Variants in KLHL1 observed in about 807,000 individuals in gnomAD.
KLHL1 encodes kelch-like protein 1.
Under a neutral mutation model 77.7 loss-of-function variants are expected in KLHL1, and 47 were observed. The observed-to-expected ratio is 0.60, with a 90% CI of 0.48 to 0.77. KLHL1 has a LOEUF of 0.77. KLHL1 is among the 30% of genes least tolerant of loss of function. The pLI is 0.00. For missense variants in KLHL1, 925 were observed against 910.8 expected (o/e 1.02, Z -0.20); for synonymous variants, 360 against 325.2 (o/e 1.11, Z -1.15).
intron 1 of KLHL1, among the ~76,000 whole-genome samples, chr13:70,013,003 A>G (rs1359692258): frequency 1.3e-5 from 2 of 152,156 alleles, no homozygotes; most frequent in African/African-American, 4.8e-5. Context: ...TTTCAATTCA[A>G]GTAGTATTTT....
intron 5 of KLHL1, among the ~76,000 whole-genome samples, chr13:69,858,566 C>T (rs979096626): frequency 5.9e-5 from 9 of 151,998 alleles, no homozygotes; most frequent in African/African-American, 2.2e-4. Context: ...TTATCATGTT[C>T]CTGCCCATGA....
intron 5 of KLHL1, among the ~76,000 whole-genome samples, chr13:69,866,295 C>A (rs1880362782): frequency 6.6e-6 from 1 of 152,066 alleles, no homozygotes; most frequent in African/African-American, 2.4e-5. Flanking sequence ...ATTGAATTCA[C>A]TGAATATCTG....
In KLHL1 at chr13:70,107,932, AC is replaced by A. The variant is rs1888117069; in HGVS notation, c.-234del. On this transcript the variant is annotated 5_prime_UTR_variant, in exon 1 of 11. Coordinates refer to ENST00000377844, the MANE Select transcript of KLHL1 (RefSeq NM_020866.3). Reference sequence around the variant, plus strand: ...GGGTCCGCAGGACCTGGGCGTGGGGACACCACCAGGCAGGAGCAGAGGCAGG... The same window carrying A: ...GGGTCCGCAGGACCTGGGCGTGGGGAACCACCAGGCAGGAGCAGAGGCAGG... 1 of 491,130 alleles carries A rather than the reference AC, an allele frequency of 2.0e-6. No individual in the cohort carries two copies. The highest frequency in any genetic ancestry group is 3.1e-5 in the East Asian group (1 of 31,892). The allele number at this position is 491,130 out of a possible 1,614,324, so 30.4% of individuals were successfully genotyped here. A position where few individuals can be genotyped will look rare whatever the true frequency, so the allele number is the denominator to read the frequency against.
intron 7 of KLHL1, among the ~76,000 whole-genome samples, chr13:69,788,364 A>T (rs1188399919): frequency 3.3e-5 from 5 of 152,180 alleles, no homozygotes; most frequent in African/African-American, 9.6e-5. Context: ...CTTTGTAGGG[A>T]CATGGATGAA....
intron 6 of KLHL1, among the ~76,000 whole-genome samples, chr13:69,801,019 G>A (rs183455262): frequency 3.9e-5 from 6 of 152,224 alleles, no homozygotes; most frequent in Non-Finnish European, 5.9e-5. Context: ...AGGTGAAGTC[G>A]AATTACTCTG....
At chr13:69,813,471 T>C (rs113549421) in intron 6 of KLHL1, among the ~76,000 whole-genome samples, 3,536 of 119,206 alleles carry the variant, frequency 0.03, 137 homozygotes, top group African/African-American at 0.11. Flanking sequence ...CACACATATA[T>C]ACACACACAT....
chr13:69,872,868 A>G (rs1880635308), intron 5 of KLHL1, among the ~76,000 whole-genome samples: 1 of 152,094 alleles, frequency 6.6e-6, no homozygotes, highest in African/African-American at 2.4e-5. Flanking sequence ...TTCATGAGGG[A>G]TCCTCCCCAA....
At chr13:69,821,757 C>T (rs921033680) in intron 6 of KLHL1, among the ~76,000 whole-genome samples, 1 of 152,182 alleles carries the variant, frequency 6.6e-6, no homozygotes, top group Non-Finnish European at 1.5e-5. Context: ...TCATTTTGTA[C>T]TCTCCATTCC....
chr13:69,795,209 G>C (rs894983764), intron 7 of KLHL1, among the ~76,000 whole-genome samples: 1 of 152,194 alleles, frequency 6.6e-6, no homozygotes, highest in South Asian at 2.1e-4. Flanking sequence ...CAAGGGCATT[G>C]TCAGTCATCT....
intron 7 of KLHL1, among the ~76,000 whole-genome samples, chr13:69,754,218 G>T (rs1399991228): frequency 1.3e-5 from 2 of 151,982 alleles, no homozygotes; most frequent in Non-Finnish European, 2.9e-5. Flanking sequence ...AAATTAATGA[G>T]ACTCAATATA....
At chr13:69,975,518 A>G in intron 2 of KLHL1, 102 bp downstream of exon 2, 1 of 945,214 alleles carries the variant, frequency 1.1e-6, no homozygotes, top group Non-Finnish European at 1.6e-6. Flanking sequence ...AAAAAATGTG[A>G]ATCCTTATTT....
In KLHL1 at chr13:69,989,139, T is replaced by C. The variant is rs116170375; in HGVS notation, c.498-13337A>G. On this transcript the variant is annotated intron_variant, in intron 1 of 10. Transcript: ENST00000377844. ...TCTGTCTTGAAATGATTTTTGTATA[T>C]AGTGTAAGGAAGGGGTCCAGTATCA... Among the ~76,000 whole-genome samples, 967 of 152,176 alleles carry C rather than the reference T, an allele frequency of 6.4e-3. 9 individuals are homozygous for C. The highest frequency in any genetic ancestry group is 0.022 in the African/African-American group (902 of 41,546).
chr13:69,904,631 G>T (rs1031971757), intron 4 of KLHL1, among the ~76,000 whole-genome samples: 1 of 152,078 alleles, frequency 6.6e-6, no homozygotes, highest in East Asian at 1.9e-4. Flanking sequence ...AATCTATGTG[G>T]CCATTCATGA....
chr13:69,772,029 G>A (rs1262079217), intron 7 of KLHL1, among the ~76,000 whole-genome samples: 2 of 152,030 alleles, frequency 1.3e-5, no homozygotes, highest in African/African-American at 4.8e-5. Flanking sequence ...TTGGCTCACT[G>A]CAACCTCTGC....
intron 7 of KLHL1, among the ~76,000 whole-genome samples, chr13:69,794,036 T>G (rs562961730): frequency 8.0e-4 from 121 of 152,170 alleles, no homozygotes; most frequent in Non-Finnish European, 1.3e-3. Flanking sequence ...GAGCCCAGCT[T>G]GAATGAGGAA....
At chr13:69,917,256 T>G (rs746939707) in intron 4 of KLHL1, among the ~76,000 whole-genome samples, 8 of 151,842 alleles carry the variant, frequency 5.3e-5, no homozygotes, top group Non-Finnish European at 1.2e-4. Context: ...TTTAAGTAAA[T>G]AAAATGAAAT....
chr13:70,016,693 T>C (rs766027083), intron 1 of KLHL1, among the ~76,000 whole-genome samples: 30 of 152,070 alleles, frequency 2.0e-4, no homozygotes, highest in Admixed American at 4.6e-4. Flanking sequence ...TTGGGCACCA[T>C]GGATGACCTA....
intron 6 of KLHL1, among the ~76,000 whole-genome samples, chr13:69,828,062 G>A (rs960927281): frequency 1.3e-5 from 2 of 150,264 alleles, no homozygotes; most frequent in African/African-American, 5.0e-5. Context: ...CACTTGGATG[G>A]ACAGAACAGC....
chr13:69,912,016 T>G (rs1172092394), intron 4 of KLHL1, among the ~76,000 whole-genome samples: 1 of 152,134 alleles, frequency 6.6e-6, no homozygotes, highest in Non-Finnish European at 1.5e-5. Context: ...TGGTTGAACT[T>G]CCCCAACTAA....
Sources: gnomAD v4.1 joint callset for allele counts (sites outside exome capture counted in the v4.1 genomes callset) on GRCh38, gnomAD v4.1.1 for gene constraint, MANE v1.5 for transcripts, NCBI Gene and HGNC (gene_info 2026-07-23, HGNC 2026-07-21) for gene names.